RUBCNL: variants seen among roughly 807,000 people sequenced by gnomAD.
RUBCNL encodes protein associated with UVRAG as autophagy enhancer.
In RUBCNL, 62 loss-of-function variants were observed where a neutral mutation model predicts 69.5. The ratio of observed to expected loss-of-function variants is 0.89; its 90% CI spans 0.73 to 1.10. The LOEUF (loss-of-function observed/expected upper bound fraction) is 1.10. Among genes scored for constraint, RUBCNL ranks in the 50% least tolerant of loss-of-function variants. RUBCNL has a pLI of 0.00. For missense variants in RUBCNL, 768 were observed against 798.1 expected (o/e 0.96, Z 0.45); for synonymous variants, 291 against 303.6 (o/e 0.96, Z 0.43).
intron 5 of RUBCNL, among the ~76,000 whole-genome samples, chr13:46,367,210 T>C (rs1181700397): frequency 2.0e-5 from 3 of 152,030 alleles, no homozygotes; most frequent in African/African-American, 7.2e-5. Flanking sequence ...CTGTGCTGGG[T>C]CCCCACCTCT....
rs2048111632 is a variant in RUBCNL at position 46,337,451 on chromosome 13, G to T, written c.*5934C>A. ...ATTACAAGTGTGAGCCACCGTGCCTGGTCCGCTCTCTCTCCTTTCTACCAT... is the reference window on the plus strand; with the variant it reads ...ATTACAAGTGTGAGCCACCGTGCCTTGTCCGCTCTCTCTCCTTTCTACCAT... On this transcript the variant is annotated 3_prime_UTR_variant, in exon 15 of 15. Coordinates refer to ENST00000429979, the MANE Select transcript of RUBCNL (RefSeq NM_025113.5). Among the ~76,000 whole-genome samples the T allele has an allele frequency of 6.6e-6, 1 of 152,058 alleles. No homozygotes were observed. Among genetic ancestry groups the T allele is most frequent in the African/African-American group, 2.4e-5 (1 of 41,382 alleles).
chr13:46,347,248 A>G (rs1594131848), intron 12 of RUBCNL, among the ~76,000 whole-genome samples: 1 of 152,124 alleles, frequency 6.6e-6, no homozygotes, highest in Non-Finnish European at 1.5e-5. Context: ...TCTACTAAAA[A>G]TAACAAAAAT....
chr13:46,354,401 G>A (rs1488499871), intron 10 of RUBCNL, among the ~76,000 whole-genome samples: 1 of 152,010 alleles, frequency 6.6e-6, no homozygotes, highest in African/African-American at 2.4e-5. Flanking sequence ...TACTCTTTTT[G>A]CAACTCTTCT....
At chr13:46,370,814 C>T (rs2048860515) in intron 3 of RUBCNL, among the ~76,000 whole-genome samples, 1 of 150,982 alleles carries the variant, frequency 6.6e-6, no homozygotes, top group Admixed American at 6.6e-5. Context: ...GGGCTTTCCT[C>T]TATAAGACAA....
intron 4 of RUBCNL, 105 bp downstream of exon 4, chr13:46,368,628 C>A: frequency 7.6e-7 from 1 of 1,308,098 alleles, no homozygotes. Flanking sequence ...GAAAGGAAAC[C>A]TATTTGTAAT....
In RUBCNL at chr13:46,350,365, C is replaced by T. The variant is rs778518328; in HGVS notation, c.1331-14G>A. On this transcript the variant is annotated splice_polypyrimidine_tract_variant and intron_variant, in intron 10 of 14. Coordinates refer to ENST00000429979, the MANE Select transcript of RUBCNL (RefSeq NM_025113.5). ...GCTTCACAAACTCTGCCAAGCATAC[C>T]GGAGGGTGAGTGCCACACCTGGTGC... 124 of 1,518,522 alleles carry T rather than the reference C, an allele frequency of 8.2e-5. No individual in the cohort carries two copies. The highest frequency in any genetic ancestry group is 1.8e-4 in the Admixed American group (9 of 50,614). The allele number at this position is 1,518,522 out of a possible 1,614,324, so 94.1% of individuals were successfully genotyped here.
rs372355802 is a variant in RUBCNL, at chr13:46,337,499, C to T, written c.*5886G>A. Among the ~76,000 whole-genome samples the T allele has an allele frequency of 1.3e-5, 2 of 152,252 alleles. No homozygotes were observed. The highest frequency in any genetic ancestry group is 4.8e-5 in the African/African-American group (2 of 41,552). On this transcript the variant is annotated 3_prime_UTR_variant, in exon 15 of 15. Transcript: ENST00000429979. ...CATGTAAGGATACAGTGAGATAGTG[C>T]CATCTATGAACCAGGAAGTGGTCCC...
chr13:46,342,181 G>A lies in RUBCNL; in HGVS notation c.*1204C>T, dbSNP rs1168842767. 2 of 152,236 alleles carry A rather than the reference G, an allele frequency of 1.3e-5. No individual in the cohort carries two copies. Among genetic ancestry groups the A allele is most frequent in the African/African-American group, 2.4e-5 (1 of 41,462 alleles). 9.4% of individuals were successfully genotyped at this position (152,236 alleles called of 1,614,324 possible). A position where few individuals can be genotyped will look rare whatever the true frequency, so the allele number is the denominator to read the frequency against. On this transcript the variant is annotated 3_prime_UTR_variant, in exon 15 of 15. Transcript: ENST00000429979. ...GACAGAAGTCATTCATTTCTTTCAT[G>A]TGCTCAGTACTATCCCATTGAATAA...
intron 1 of RUBCNL, among the ~76,000 whole-genome samples, chr13:46,384,729 A>G (rs924283652): frequency 1.3e-5 from 2 of 152,240 alleles, no homozygotes; most frequent in African/African-American, 2.4e-5. Context: ...TTTCCAGCCT[A>G]CTGATGACAA....
chr13:46,381,317 G>A (rs556295530), intron 1 of RUBCNL, among the ~76,000 whole-genome samples: 26 of 152,218 alleles, frequency 1.7e-4, no homozygotes, highest in African/African-American at 6.3e-4. Flanking sequence ...CTCTGACATG[G>A]ATGAGCACTG....
At chr13:46,362,147 G>T (rs1043716505) in intron 7 of RUBCNL, among the ~76,000 whole-genome samples, 3 of 152,056 alleles carry the variant, frequency 2.0e-5, no homozygotes, top group African/African-American at 7.2e-5. Flanking sequence ...TGAGGCAGGA[G>T]AATTGCTTGA....
intron 1 of RUBCNL, among the ~76,000 whole-genome samples, chr13:46,380,732 T>C (rs2049099107): frequency 6.6e-6 from 1 of 152,198 alleles, no homozygotes; most frequent in Non-Finnish European, 1.5e-5. Flanking sequence ...CTTACATGTG[T>C]ACAGCTATGC....
chr13:46,362,524 C>T lies in RUBCNL; in HGVS notation c.986+14G>A, dbSNP rs377310571. On this transcript the variant is annotated intron_variant, in intron 7 of 14. Transcript: ENST00000429979. ...CCCAAGGGTCTATGTGCACTGTGCA[C>T]AGAAGACAGATACCTCTTAGAGGAG... 2 of 1,596,786 alleles carry T rather than the reference C, an allele frequency of 1.3e-6. No homozygotes were observed. Among genetic ancestry groups the T allele is most frequent in the African/African-American group, 2.7e-5 (2 of 74,578 alleles).
At chr13:46,355,363 C>T (rs113237611) in intron 10 of RUBCNL, among the ~76,000 whole-genome samples, 4 of 144,090 alleles carry the variant, frequency 2.8e-5, no homozygotes, top group Middle Eastern at 3.8e-3. Flanking sequence ...AGTGTGATCT[C>T]GGCTCACTGC....
intron 3 of RUBCNL, among the ~76,000 whole-genome samples, 164 bp downstream of exon 3, chr13:46,371,777 A>G (rs1028453615): frequency 3.3e-5 from 5 of 152,262 alleles, no homozygotes; most frequent in Non-Finnish European, 5.9e-5. Flanking sequence ...GAGAAAGCCA[A>G]TATTTGATTT....
At chr13:46,386,706 C>T (rs1296192426) in intron 1 of RUBCNL, among the ~76,000 whole-genome samples, 1 of 152,204 alleles carries the variant, frequency 6.6e-6, no homozygotes, top group Non-Finnish European at 1.5e-5. Flanking sequence ...TTTTCTGTCA[C>T]CACATATCCA....
intron 5 of RUBCNL, among the ~76,000 whole-genome samples, chr13:46,367,428 G>A (rs889946104): frequency 2.6e-5 from 4 of 152,172 alleles, no homozygotes; most frequent in Non-Finnish European, 4.4e-5. Context: ...AACAAAGGAC[G>A]AGGAGACATC....
chr13:46,359,922 T>C (rs2048574666), intron 8 of RUBCNL, among the ~76,000 whole-genome samples: 1 of 152,194 alleles, frequency 6.6e-6, no homozygotes, highest in South Asian at 2.1e-4. Flanking sequence ...AATGCATTTA[T>C]GAATAGCAGA....
At position 46,340,714 on chromosome 13, in the gene RUBCNL, T is replaced by A. The variant is rs2048135944; in HGVS notation, c.*2671A>T. On this transcript the variant is annotated 3_prime_UTR_variant, in exon 15 of 15. Coordinates refer to ENST00000429979, the MANE Select transcript of RUBCNL (RefSeq NM_025113.5). ...CTCATGGTGGAGGGGAAGGGGAGCC[T>A]GCGTGTGCAGACTCCCCTTGTATGG... Among the ~76,000 whole-genome samples, 1 of 152,130 alleles carries A rather than the reference T, an allele frequency of 6.6e-6. No homozygotes were observed. The highest frequency in any genetic ancestry group is 2.4e-5 in the African/African-American group (1 of 41,420).
Sources: allele counts gnomAD v4.1 joint callset (sites outside exome capture counted in the v4.1 genomes callset), GRCh38; gene constraint gnomAD v4.1.1; transcripts MANE v1.5; gene names NCBI Gene and HGNC (gene_info 2026-07-23, HGNC 2026-07-21).